Variants in MARK2 observed in about 807,000 individuals in gnomAD.
MARK2 encodes serine/threonine-protein kinase MARK2.
MARK2 carries 16 observed loss-of-function variants against 89.8 expected under a neutral mutation model. That is an observed-to-expected ratio of 0.18 (90% CI 0.12 to 0.27). MARK2 has a LOEUF of 0.27. MARK2 is among the 10% of genes least tolerant of loss of function. MARK2 has a pLI of 1.00. For missense variants in MARK2, 621 were observed against 1,049.9 expected (o/e 0.59, Z 5.65); for synonymous variants, 382 against 399.5 (o/e 0.96, Z 0.52).
chr11:63,908,299 G>A lies in MARK2; in HGVS notation c.2001G>A (p.Thr667=), dbSNP rs1230085610. 6.4e-7 allele frequency: 1 copy of A among 1,562,418 alleles called. No individual in the cohort carries two copies. Among genetic ancestry groups the A allele is most frequent in the Non-Finnish European group, 8.7e-7 (1 of 1,152,696 alleles). Residue 667 remains threonine (T), a synonymous_variant, in exon 18 of 19, where the codon ACG becomes ACA. Coordinates refer to ENST00000402010, the MANE Select transcript of MARK2 (RefSeq NM_001039469.3). ...NEPESKDRVE[T]LRPHVVGSGG... is the part of the protein sequence containing the mutation. ...CTGAAAGCAAAGACCGAGTGGAGAC[G>A]CTCAGGTGAGAGGGCTGGAGCCAGC...
At chr11:63,901,286 G>A in intron 11 of MARK2, among the ~76,000 whole-genome samples, 1 of 152,170 alleles carries the variant, frequency 6.6e-6, no homozygotes, top group East Asian at 1.9e-4. Flanking sequence ...TGTGGGACTG[G>A]GTCAGAGTTT....
chr11:63,850,966 G>A (rs183617349), intron 1 of MARK2, among the ~76,000 whole-genome samples: 8 of 152,114 alleles, frequency 5.3e-5, no homozygotes, highest in Admixed American at 2.0e-4. Context: ...CTTTCTTCAA[G>A]TACGGTATTG....
intron 1 of MARK2, among the ~76,000 whole-genome samples, chr11:63,857,639 ATGAAT>A (rs1490707586): frequency 1.2e-4 from 18 of 152,362 alleles, no homozygotes; most frequent in African/African-American, 3.8e-4. Flanking sequence ...GTTCTGTTAA[ATGAAT>A]TGATACATAT....
At chr11:63,901,098 C>A in intron 11 of MARK2, 29 bp downstream of exon 11, 2 of 1,455,962 alleles carry the variant, frequency 1.4e-6, no homozygotes, top group Non-Finnish European at 1.9e-6. Context: ...ATTCTCTGAC[C>A]TGGCCAGCCT....
At chr11:63,870,337 T>C (rs1261156823) in intron 1 of MARK2, among the ~76,000 whole-genome samples, 3 of 151,684 alleles carry the variant, frequency 2.0e-5, no homozygotes, top group Non-Finnish European at 2.9e-5. Context: ...GTTCCCAGAG[T>C]GTTGGGATTG....
In MARK2 at chr11:63,900,662, A is replaced by G; in HGVS notation, c.872A>G (p.Lys291Arg). 2 of 1,614,200 alleles carry G rather than the reference A, an allele frequency of 1.2e-6. No individual in the cohort carries two copies. The highest frequency in any genetic ancestry group is 1.7e-6 in the Non-Finnish European group (2 of 1,180,022). Residue 291 changes from lysine (K) to arginine (R), a missense_variant, in exon 9 of 19, where the codon AAG (lysine) becomes AGG (arginine). By Grantham distance (26) the Lys-to-Arg change is conservative (BLOSUM62 2). Around this residue, in one of 5 missense-constraint regions of MARK2, gnomAD observed 397 missense variants for 567.8 expected, o/e 0.70. Transcript: ENST00000402010. This position sits in a 1 kb window ranked among gnomAD's most constrained non-coding sequence, Gnocchi z 4.7. ...AAATTTCTCATTCTTAATCCCAGCA[A>G]GAGAGGCACTTTAGAGGTGAGCAGT... ...LKKFLILNPS[K>R]RGTLEQIMKD...
At chr11:63,877,739 C>T (rs1009885472) in intron 1 of MARK2, among the ~76,000 whole-genome samples, 5 of 152,142 alleles carry the variant, frequency 3.3e-5, no homozygotes, top group Admixed American at 1.3e-4. Flanking sequence ...TGGAAAATGG[C>T]TGTCATCTGG....
At chr11:63,868,822 G>A (rs1193178413) in intron 1 of MARK2, 2 of 455,996 alleles carry the variant, frequency 4.4e-6, no homozygotes, top group African/African-American at 4.0e-5. Context: ...TGGTCTGTCA[G>A]AAGGCTGGAG....
At chr11:63,849,432 C>A (rs1177524229) in intron 1 of MARK2, among the ~76,000 whole-genome samples, 1 of 152,144 alleles carries the variant, frequency 6.6e-6, no homozygotes, top group Non-Finnish European at 1.5e-5. Flanking sequence ...TTTTGACTTC[C>A]AATAAGTGGT....
At chr11:63,899,838 A>T in intron 7 of MARK2, 36 bp from the exon 8 acceptor site, 3 of 1,434,446 alleles carry the variant, frequency 2.1e-6, no homozygotes, top group Non-Finnish European at 2.9e-6. Context: ...AGTCTGGTCC[A>T]CTTGGTTCCC....
chr11:63,888,772 T>C (rs1250107651), intron 1 of MARK2: 1 of 1,234,990 alleles, frequency 8.1e-7, no homozygotes, highest in African/African-American at 1.6e-5. Flanking sequence ...GCTGCTTAGC[T>C]ACTTTTCACT....
At chr11:63,877,199 T>G (rs999028389) in intron 1 of MARK2, among the ~76,000 whole-genome samples, 1 of 129,468 alleles carries the variant, frequency 7.7e-6, no homozygotes, top group African/African-American at 2.8e-5. Context: ...AGCCTCGACC[T>G]CCCCAGGCAC....
At chr11:63,872,798 G>C (rs779135415) in intron 1 of MARK2, among the ~76,000 whole-genome samples, 1 of 152,100 alleles carries the variant, frequency 6.6e-6, no homozygotes, top group African/African-American at 2.4e-5. Context: ...GAACCCCGCC[G>C]CTTCCCTCCC....
Position 63,843,822 on chromosome 11 carries a change from G to C in MARK2, c.54+4262G>C, listed in dbSNP as rs541479066. ...GTATTTTTAGTAGAGACGGGGTTTTGCCATATTGGCCAAGCTGGTCTCGAT... is the reference window on the plus strand; with the variant it reads ...GTATTTTTAGTAGAGACGGGGTTTTCCCATATTGGCCAAGCTGGTCTCGAT... On this transcript the variant is annotated intron_variant, in intron 1 of 18. Transcript: ENST00000402010. 1.4e-3 allele frequency among the ~76,000 whole-genome samples: 212 copies of C among 152,098 alleles called. 1 individual carries two copies. The highest frequency in any genetic ancestry group is 4.8e-3 in the African/African-American group (201 of 41,502).
At chr11:63,889,222 G>T (rs1939624489) in intron 1 of MARK2, among the ~76,000 whole-genome samples, 1 of 152,144 alleles carries the variant, frequency 6.6e-6, no homozygotes, top group Non-Finnish European at 1.5e-5. Flanking sequence ...GAGGCCTGAG[G>T]CCTCAGAGAG....
chr11:63,884,906 A>G (rs224172), intron 1 of MARK2, among the ~76,000 whole-genome samples: 152,083 of 152,360 alleles, frequency 1, 75,905 homozygotes, highest in Middle Eastern at 1. Flanking sequence ...TCCCAGTTAC[A>G]AGATGTCCCA....
intron 1 of MARK2, among the ~76,000 whole-genome samples, chr11:63,885,090 G>A (rs1939314813): frequency 6.6e-6 from 1 of 152,124 alleles, no homozygotes; most frequent in East Asian, 1.9e-4. Context: ...GTAGCCCCAG[G>A]TATTCAAGAG....
chr11:63,874,544 T>A (rs1296772761), intron 1 of MARK2, among the ~76,000 whole-genome samples: 1 of 152,206 alleles, frequency 6.6e-6, no homozygotes, highest in Non-Finnish European at 1.5e-5. Context: ...TAAGTGGTAT[T>A]TGGCATAGTT....
chr11:63,850,662 A>G (rs2016530128), intron 1 of MARK2, among the ~76,000 whole-genome samples: 1 of 152,100 alleles, frequency 6.6e-6, no homozygotes, highest in Admixed American at 6.6e-5. Flanking sequence ...GTGGATGTGC[A>G]GCCTCATCCG....
Sources: allele counts gnomAD v4.1 joint callset (sites outside exome capture counted in the v4.1 genomes callset), GRCh38; gene constraint gnomAD v4.1.1; regional missense constraint gnomAD v4.1.1; non-coding constraint Gnocchi (gnomAD v3.1); transcripts MANE v1.5; gene names NCBI Gene and HGNC (gene_info 2026-07-23, HGNC 2026-07-21).